The following KHDRBS2 variants were observed in gnomAD, a reference collection of about 807,000 sequenced individuals.
The protein encoded by KHDRBS2 is KH RNA binding domain containing, signal transduction associated 2.
A neutral mutation model predicts 44.3 loss-of-function variants in KHDRBS2; 26 were observed. The ratio of observed to expected loss-of-function variants is 0.59; its 90% CI spans 0.43 to 0.81. KHDRBS2 has a LOEUF of 0.81. Ranked by LOEUF, KHDRBS2 falls within the 40% of genes least tolerant of loss-of-function variation. The pLI is 0.00. For missense variants in KHDRBS2, 476 were observed against 433.1 expected, an observed-to-expected ratio of 1.10 and a Z score of -0.88; for synonymous variants, 194 against 151.1, an observed-to-expected ratio of 1.28 and a Z score of -2.08.
At chr6:61,618,688 C>A in the KHDRBS2 span, among the ~76,000 whole-genome samples, 1 of 152,172 alleles carries the variant, frequency 6.6e-6, no homozygotes, top group African/African-American at 2.4e-5. Flanking sequence ...GTGTTCTCAT[C>A]ATTTAGCTCC....
the KHDRBS2 span, among the ~76,000 whole-genome samples, chr6:61,593,528 C>T: frequency 6.7e-6 from 1 of 150,162 alleles, no homozygotes; most frequent in South Asian, 2.1e-4. Flanking sequence ...CTCACTTCTA[C>T]TTCTACCAAA....
the KHDRBS2 span, among the ~76,000 whole-genome samples, chr6:61,615,906 G>T: frequency 1.5e-3 from 221 of 152,260 alleles, no homozygotes; most frequent in Admixed American, 3.4e-3. Flanking sequence ...TCTAGCTTAG[G>T]CATTTGTAGT....
chr6:62,018,433 C>T (rs1460683908), intron 3 of KHDRBS2, among the ~76,000 whole-genome samples: 6 of 151,908 alleles, frequency 3.9e-5, no homozygotes, highest in Non-Finnish European at 7.4e-5. Context: ...CCGCAAGCTC[C>T]GCCTCCCAGT....
At chr6:61,655,032 G>A in the KHDRBS2 span, among the ~76,000 whole-genome samples, 1 of 151,776 alleles carries the variant, frequency 6.6e-6, no homozygotes, top group Non-Finnish European at 1.5e-5. Flanking sequence ...TGAAACCTCA[G>A]GGGTCAGATC....
chr6:61,570,145 A>C, the KHDRBS2 span, among the ~76,000 whole-genome samples: 1 of 152,192 alleles, frequency 6.6e-6, no homozygotes, highest in Non-Finnish European at 1.5e-5. Context: ...ATCCCAGAGA[A>C]AGGTGAAATC....
chr6:61,714,781 T>C (rs1771108475), intron 7 of KHDRBS2, among the ~76,000 whole-genome samples: 1 of 151,812 alleles, frequency 6.6e-6, no homozygotes, highest in South Asian at 2.1e-4. Context: ...CTATCTTAAG[T>C]GAAATAACTT....
chr6:62,212,985 T>G (rs1829342686), intron 1 of KHDRBS2, among the ~76,000 whole-genome samples: 1 of 152,024 alleles, frequency 6.6e-6, no homozygotes. Flanking sequence ...ATTAAATATT[T>G]CAGTAGAATA....
intron 3 of KHDRBS2, among the ~76,000 whole-genome samples, chr6:62,006,513 G>A (rs569130956): frequency 5.3e-5 from 8 of 151,920 alleles, no homozygotes; most frequent in Non-Finnish European, 1.2e-4. Context: ...TCTAATCAGA[G>A]ACTATATAAA....
intron 3 of KHDRBS2, among the ~76,000 whole-genome samples, chr6:61,985,560 G>A (rs1239066304): frequency 6.6e-6 from 1 of 152,028 alleles, no homozygotes; most frequent in Non-Finnish European, 1.5e-5. Context: ...GGAGTCACAG[G>A]GTTTCCAGGA....
chr6:61,634,641 C>A, the KHDRBS2 span, among the ~76,000 whole-genome samples: 8 of 151,988 alleles, frequency 5.3e-5, no homozygotes. Flanking sequence ...TTTAGGAAAG[C>A]ATCTACAAAC....
At chr6:61,992,182 A>C (rs1776263268) in intron 3 of KHDRBS2, among the ~76,000 whole-genome samples, 1 of 152,212 alleles carries the variant, frequency 6.6e-6, no homozygotes, top group South Asian at 2.1e-4. Context: ...GTTCCTGCTT[A>C]CAAGTCTTGG....
intron 1 of KHDRBS2, among the ~76,000 whole-genome samples, chr6:62,272,576 A>G (rs1344083729): frequency 1.3e-5 from 2 of 152,160 alleles, no homozygotes; most frequent in Admixed American, 6.6e-5. Context: ...ACTGACCCCA[A>G]TGGAGGCAGT....
chr6:61,647,178 A>G, the KHDRBS2 span, among the ~76,000 whole-genome samples: 1 of 152,116 alleles, frequency 6.6e-6, no homozygotes, highest in Non-Finnish European at 1.5e-5. Context: ...CTTTACTCTT[A>G]TGAGTCTGAG....
At chr6:61,833,147 C>G (rs1404384303) in intron 6 of KHDRBS2, among the ~76,000 whole-genome samples, 10 of 152,072 alleles carry the variant, frequency 6.6e-5, no homozygotes. Flanking sequence ...GCTTAAAAGA[C>G]AAAATGGTCA....
At chr6:62,272,577 T>G (rs770639014) in intron 1 of KHDRBS2, among the ~76,000 whole-genome samples, 1 of 152,108 alleles carries the variant, frequency 6.6e-6, no homozygotes, top group Non-Finnish European at 1.5e-5. Flanking sequence ...CTGACCCCAA[T>G]GGAGGCAGTA....
the KHDRBS2 span, among the ~76,000 whole-genome samples, chr6:61,608,491 AG>A: frequency 2.0e-5 from 3 of 151,854 alleles, no homozygotes; most frequent in Non-Finnish European, 2.9e-5. Flanking sequence ...CAGAACATGC[AG>A]GTTTGTTACA....
At chr6:62,064,828 A>C (rs1290838863) in intron 2 of KHDRBS2, among the ~76,000 whole-genome samples, 2 of 151,350 alleles carry the variant, frequency 1.3e-5, no homozygotes, top group Non-Finnish European at 3.0e-5. Context: ...AGAAACTACC[A>C]TCAGAGTGAA....
intron 6 of KHDRBS2, among the ~76,000 whole-genome samples, chr6:61,806,559 T>C (rs1406998366): frequency 6.6e-6 from 1 of 152,180 alleles, no homozygotes; most frequent in Non-Finnish European, 1.5e-5. Flanking sequence ...ATAAGTGGAC[T>C]TCATTTAAAA....
intron 6 of KHDRBS2, among the ~76,000 whole-genome samples, chr6:61,858,614 C>T (rs905909906): frequency 5.3e-5 from 8 of 151,790 alleles, no homozygotes; most frequent in East Asian, 1.9e-4. Context: ...ATCAATTTTC[C>T]GGCATAGCCA....
Sources: allele counts gnomAD v4.1 joint callset (sites outside exome capture counted in the v4.1 genomes callset), GRCh38; gene constraint gnomAD v4.1.1; transcripts MANE v1.5; gene names NCBI Gene and HGNC (gene_info 2026-07-23, HGNC 2026-07-21).